The following CTNNA3 variants were observed in gnomAD, a reference collection of about 807,000 sequenced individuals.
CTNNA3 encodes the protein catenin alpha 3.
A neutral mutation model predicts 95.7 loss-of-function variants in CTNNA3; 76 were observed. The ratio of observed to expected loss-of-function variants is 0.79; its 90% CI spans 0.66 to 0.96. CTNNA3 has a LOEUF of 0.96. CTNNA3 is among the 40% of genes least tolerant of loss of function. The pLI, the probability that CTNNA3 is intolerant of heterozygous loss-of-function variation, is 0.00. For synonymous variants in CTNNA3, 431 were observed against 374.4 expected (o/e 1.15, Z -1.74); for missense variants, 1,191 against 1,089.8 (o/e 1.09, Z -1.31).
chr10:67,454,707 A>T (rs1278194339), intron 5 of CTNNA3, among the ~76,000 whole-genome samples: 2 of 152,142 alleles, frequency 1.3e-5, no homozygotes, highest in Non-Finnish European at 2.9e-5. Context: ...CATTTTATGA[A>T]CCTCTACCAA....
intron 7 of CTNNA3, among the ~76,000 whole-genome samples, chr10:66,857,724 T>A (rs541084605): frequency 6.6e-6 from 1 of 152,074 alleles, no homozygotes; most frequent in Non-Finnish European, 1.5e-5. Flanking sequence ...TGTTGGCGTA[T>A]AGTAATGTTA....
intron 7 of CTNNA3, among the ~76,000 whole-genome samples, chr10:66,897,904 G>A (rs1845565567): frequency 6.6e-6 from 1 of 152,144 alleles, no homozygotes; most frequent in South Asian, 2.1e-4. Flanking sequence ...TACCTGGACT[G>A]TGGATACAAA....
chr10:66,242,436 G>A (rs114081886), intron 13 of CTNNA3, among the ~76,000 whole-genome samples: 1 of 152,076 alleles, frequency 6.6e-6, no homozygotes, highest in Non-Finnish European at 1.5e-5. Context: ...TTGACAGTAC[G>A]CATATTCAGC....
At chr10:66,340,076 G>C (rs924155808) in intron 12 of CTNNA3, among the ~76,000 whole-genome samples, 3 of 151,634 alleles carry the variant, frequency 2.0e-5, no homozygotes, top group Non-Finnish European at 3.0e-5. Context: ...TAATAAAAAA[G>C]GACAGGGTTA....
intron 9 of CTNNA3, among the ~76,000 whole-genome samples, chr10:66,702,568 T>C (rs746611806): frequency 2.0e-5 from 3 of 151,704 alleles, no homozygotes; most frequent in Non-Finnish European, 4.4e-5. Context: ...TAGCCGGGCA[T>C]GGTGGTGGGT....
chr10:66,461,570 G>A (rs537180352), intron 11 of CTNNA3, among the ~76,000 whole-genome samples: 1 of 151,660 alleles, frequency 6.6e-6, no homozygotes, highest in South Asian at 2.1e-4. Flanking sequence ...CTCTTGGCAG[G>A]ACACTTCTTA....
intron 9 of CTNNA3, among the ~76,000 whole-genome samples, chr10:66,673,657 A>G (rs1441056833): frequency 6.6e-6 from 1 of 152,098 alleles, no homozygotes; most frequent in Admixed American, 6.6e-5. Flanking sequence ...GATATACCAA[A>G]TACAGCCACA....
At chr10:66,176,845 C>T (rs557749856) in intron 13 of CTNNA3, among the ~76,000 whole-genome samples, 3 of 152,066 alleles carry the variant, frequency 2.0e-5, no homozygotes, top group African/African-American at 7.2e-5. Flanking sequence ...CATTTTGTTA[C>T]AGCAGCCCAA....
At chr10:66,082,094 G>A (rs1318501940) in intron 14 of CTNNA3, among the ~76,000 whole-genome samples, 1 of 151,748 alleles carries the variant, frequency 6.6e-6, no homozygotes, top group Admixed American at 6.6e-5. Context: ...CTCCAGCCTG[G>A]GCAACAGAGC....
chr10:66,001,782 T>C lies in CTNNA3; in HGVS notation c.2160-12985A>G, dbSNP rs978802573. On this transcript the variant is annotated intron_variant, in intron 15 of 17. Transcript: ENST00000433211. ...TTAAGGTGCATCAGCACCTTTTCAC[T>C]TTTTTAAATTCCAAAATTACAATAC... Among the ~76,000 whole-genome samples the C allele has an allele frequency of 7.9e-5, 12 of 152,296 alleles. No individual in the cohort carries two copies. In the East Asian group the frequency reaches 1.4e-3, roughly 17 times the overall value.
intron 3 of CTNNA3, among the ~76,000 whole-genome samples, chr10:67,555,014 C>A (rs1417334566): frequency 6.6e-6 from 1 of 152,086 alleles, no homozygotes; most frequent in Non-Finnish European, 1.5e-5. Flanking sequence ...AATAGGGAAT[C>A]CTTTCCCTAT....
intron 5 of CTNNA3, among the ~76,000 whole-genome samples, chr10:67,221,312 TA>T (rs1202712013): frequency 2.6e-5 from 4 of 151,970 alleles, no homozygotes; most frequent in Non-Finnish European, 4.4e-5. Context: ...AAGCTTAAGT[TA>T]AAAAAAACTA....
At chr10:66,464,768 A>T (rs1017336887) in intron 11 of CTNNA3, among the ~76,000 whole-genome samples, 3 of 105,070 alleles carry the variant, frequency 2.9e-5, no homozygotes, top group African/African-American at 1.7e-4. Context: ...CTCAAAAAAT[A>T]AAAAAAAAAA....
chr10:67,288,134 T>C (rs1326263558), intron 5 of CTNNA3, among the ~76,000 whole-genome samples: 3 of 152,070 alleles, frequency 2.0e-5, no homozygotes, highest in Admixed American at 2.0e-4. Context: ...TAAAATTTTT[T>C]CCCTGGTGCA....
intron 14 of CTNNA3, among the ~76,000 whole-genome samples, chr10:66,076,252 A>G (rs998008796): frequency 5.3e-5 from 8 of 151,720 alleles, no homozygotes; most frequent in Non-Finnish European, 1.0e-4. Context: ...TAATACATCA[A>G]AAGTATAAAT....
intron 7 of CTNNA3, among the ~76,000 whole-genome samples, chr10:66,864,114 C>T (rs1451050116): frequency 6.6e-6 from 1 of 152,046 alleles, no homozygotes; most frequent in Non-Finnish European, 1.5e-5. Flanking sequence ...TTATATAGAT[C>T]TAATAGGCAG....
At chr10:67,000,784 G>A (rs1050252701) in intron 7 of CTNNA3, among the ~76,000 whole-genome samples, 8 of 152,052 alleles carry the variant, frequency 5.3e-5, no homozygotes, top group African/African-American at 1.4e-4. Context: ...TATGGGGAGC[G>A]CATTATGAAG....
chr10:66,515,343 CTCTA>C (rs1282563907), intron 11 of CTNNA3, among the ~76,000 whole-genome samples: 4 of 138,650 alleles, frequency 2.9e-5, no homozygotes, highest in South Asian at 2.2e-4. Flanking sequence ...CTCTCTCTCT[CTCTA>C]TATATATATA....
intron 9 of CTNNA3, among the ~76,000 whole-genome samples, chr10:66,642,619 A>G (rs1042853841): frequency 3.9e-5 from 6 of 152,166 alleles, no homozygotes; most frequent in Non-Finnish European, 7.4e-5. Context: ...CAAACAAGGT[A>G]CTAAATATAA....
Sources: allele counts gnomAD v4.1 joint callset (sites outside exome capture counted in the v4.1 genomes callset), GRCh38; gene constraint gnomAD v4.1.1; transcripts MANE v1.5; gene names NCBI Gene and HGNC (gene_info 2026-07-23, HGNC 2026-07-21).